The following USP3 variants were observed in gnomAD, a reference collection of about 807,000 sequenced individuals.
The protein encoded by USP3 is ubiquitin carboxyl-terminal hydrolase 3.
Under a neutral mutation model 72.3 loss-of-function variants are expected in USP3, and 20 were observed. The observed-to-expected ratio is 0.28, with a 90% CI of 0.19 to 0.40. The LOEUF (loss-of-function observed/expected upper bound fraction) is 0.40, where lower values mean the gene tolerates loss of function less well. USP3 is among the 10% of genes least tolerant of loss of function. The pLI is 1.00. For missense variants in USP3, 479 were observed against 633.9 expected (o/e 0.76, Z 2.62); for synonymous variants, 222 against 225.3 (o/e 0.99, Z 0.13).
intron 3 of USP3, among the ~76,000 whole-genome samples, chr15:63,542,999 C>T (rs1182969616): frequency 6.6e-6 from 1 of 152,148 alleles, no homozygotes; most frequent in African/African-American, 2.4e-5. Context: ...AAATGTAAGA[C>T]ACTTTGGAAA....
chr15:63,557,843 T>C (rs2066539198), intron 5 of USP3, among the ~76,000 whole-genome samples: 1 of 152,234 alleles, frequency 6.6e-6, no homozygotes, highest in Non-Finnish European at 1.5e-5. Context: ...TACTCCATGG[T>C]ACTCATTAAT....
At chr15:63,536,942 G>C in intron 2 of USP3, 83 bp from the exon 3 acceptor site, 1 of 1,381,410 alleles carries the variant, frequency 7.2e-7, no homozygotes, top group Non-Finnish European at 9.8e-7. Context: ...ATTTTGATTT[G>C]ATTAATATTT....
intron 7 of USP3, among the ~76,000 whole-genome samples, chr15:63,561,442 A>G (rs1434978536): frequency 1.3e-5 from 2 of 152,198 alleles, no homozygotes; most frequent in African/African-American, 4.8e-5. Flanking sequence ...CTGTCCTGTA[A>G]GGCCACCACT....
chr15:63,537,277 G>GC, intron 3 of USP3, 121 bp downstream of exon 3: 2 of 1,183,314 alleles, frequency 1.7e-6, no homozygotes, highest in South Asian at 4.1e-5. Context: ...CAACTGTTAG[G>GC]ATTCACGGAG....
rs955794466 is a variant in USP3, at chr15:63,576,002, T to C, written c.1096+1599T>C. 6.6e-3 allele frequency among the ~76,000 whole-genome samples: 996 copies of C among 151,354 alleles called. 11 individuals are homozygous for C. Among genetic ancestry groups the C allele is most frequent in the African/African-American group, 0.023 (957 of 41,230 alleles). On this transcript the variant is annotated intron_variant, in intron 11 of 14. Coordinates refer to ENST00000380324, the MANE Select transcript of USP3 (RefSeq NM_006537.4). ...GAACAATACTTTTTTTTTTTTTTTT[T>C]TTGAGACCGAGTCTTGCTCTGTCGC...
intron 1 of USP3, among the ~76,000 whole-genome samples, chr15:63,506,024 G>A (rs11637511): frequency 0.8 from 122,226 of 152,178 alleles, 50,927 homozygotes; most frequent in Non-Finnish European, 0.86. Flanking sequence ...AAAGAAAAAT[G>A]TACTCTGGGA....
At chr15:63,568,680 A>C (rs1404541159) in intron 8 of USP3, among the ~76,000 whole-genome samples, 2 of 152,360 alleles carry the variant, frequency 1.3e-5, no homozygotes, top group East Asian at 3.9e-4. Flanking sequence ...TAAAATATTA[A>C]GGCTTTCAGA....
intron 1 of USP3, among the ~76,000 whole-genome samples, chr15:63,515,177 G>C (rs2065835398): frequency 6.6e-6 from 1 of 152,144 alleles, no homozygotes; most frequent in Admixed American, 6.5e-5. Flanking sequence ...GAGGAGCCCA[G>C]TTCCAGTATT....
At chr15:63,577,969 T>C (rs74383092) in intron 11 of USP3, among the ~76,000 whole-genome samples, 2,307 of 144,564 alleles carry the variant, frequency 0.016, 61 homozygotes, top group African/African-American at 0.056. Context: ...ACTGATAAAA[T>C]CCCAAATATA....
intron 3 of USP3, among the ~76,000 whole-genome samples, chr15:63,548,831 T>C (rs528707002): frequency 2.0e-5 from 3 of 152,126 alleles, no homozygotes; most frequent in Non-Finnish European, 4.4e-5. Flanking sequence ...GTAGCTGGGA[T>C]TACAGACACA....
Position 63,553,505 on chromosome 15 carries a change from A to G in USP3, c.285-210A>G. ...GAGCTTTTGAGTAAAAAACGTGAAA[A>G]GAAGCTCATGTTCATTGCCTACGTG... On this transcript the variant is annotated intron_variant, in intron 3 of 14. Transcript: ENST00000380324. The surrounding 1 kb of genome is among the most constrained non-coding windows in gnomAD (Gnocchi z 4.2). 1 of 391,692 alleles carries G rather than the reference A, an allele frequency of 2.6e-6. No individual in the cohort carries two copies. Among genetic ancestry groups the G allele is most frequent in the Non-Finnish European group, 4.5e-6 (1 of 219,862 alleles). The allele number at this position is 391,692 out of a possible 1,614,324, so 24.3% of individuals were successfully genotyped here. A position where few individuals can be genotyped will look rare whatever the true frequency, so the allele number is the denominator to read the frequency against.
chr15:63,549,909 A>T (rs567790756), intron 3 of USP3, among the ~76,000 whole-genome samples: 2 of 152,370 alleles, frequency 1.3e-5, no homozygotes, highest in African/African-American at 4.8e-5. Flanking sequence ...TCAAGCAACC[A>T]ACATTAGCTA....
chr15:63,558,193 C>G lies in USP3; in HGVS notation c.533+5C>G, dbSNP rs768333273. The G allele has an allele frequency of 1.2e-6, 2 of 1,613,936 alleles. No homozygotes were observed. Among genetic ancestry groups the G allele is most frequent in the Non-Finnish European group, 1.7e-6 (2 of 1,179,994 alleles). ...TGCCATCCTTCAGTCACTCAGGTAA[C>G]GCTACAGTCAGAGCTTAAGTGTCTG... On this transcript the variant is annotated splice_donor_5th_base_variant and intron_variant, in intron 6 of 14. Coordinates refer to ENST00000380324, the MANE Select transcript of USP3 (RefSeq NM_006537.4).
chr15:63,524,844 A>T (rs1388636041), intron 1 of USP3, among the ~76,000 whole-genome samples: 10 of 152,156 alleles, frequency 6.6e-5, no homozygotes, highest in Admixed American at 5.2e-4. Flanking sequence ...GTTGACATAG[A>T]ATCACTTCTG....
intron 1 of USP3, among the ~76,000 whole-genome samples, chr15:63,516,238 G>A (rs933188172): frequency 1.3e-5 from 2 of 152,070 alleles, no homozygotes; most frequent in Admixed American, 6.6e-5. Flanking sequence ...CCCATTCAAC[G>A]GATTAGATAA....
rs75765046 is a variant in USP3, at chr15:63,578,919, A to G, written c.1096+4516A>G. Among the ~76,000 whole-genome samples, 271 of 152,318 alleles carry G rather than the reference A, an allele frequency of 1.8e-3. 3 individuals carry two copies. In the East Asian group the frequency reaches 0.023, roughly 13 times the overall value. On this transcript the variant is annotated intron_variant, in intron 11 of 14. Transcript: ENST00000380324. ...TGGAAAATTACGAGAAATATTAACA[A>G]CTATTGCCATGGAGAGTGAGACTAG... is the stretch of plus-strand genomic sequence containing the variant.
rs758284802 is a variant in USP3, at chr15:63,590,805, A to AGCTGGATCGGATAAACTTTAATACC, written c.1543_*4dup. ...TTTTCTACGTGGAACACCAGGCCAAAGCTGGATCGGATAAACTTTAATACC... is the reference window on the plus strand; with the variant it reads ...TTTTCTACGTGGAACACCAGGCCAAAGCTGGATCGGATAAACTTTAATACCGCTGGATCGGATAAACTTTAATACC... On this transcript the variant is annotated stop_gained and frameshift_variant, in exon 15 of 15. Transcript: ENST00000380324. LOFTEE classifies it high-confidence loss of function. 38 of 1,613,488 alleles carry AGCTGGATCGGATAAACTTTAATACC rather than the reference A, an allele frequency of 2.4e-5. 1 individual carries two copies. The South Asian group carries it at 4.2e-4, about 18-fold the overall frequency.
At position 63,559,073 on chromosome 15, in the gene USP3, A is replaced by G. The variant is rs573625025; in HGVS notation, c.534-784A>G. ...TAACCCATTTATGTCAGAGGTTGCAATTTTTCTGTATGAAAAATCAGACGT... is the reference window on the plus strand; with the variant it reads ...TAACCCATTTATGTCAGAGGTTGCAGTTTTTCTGTATGAAAAATCAGACGT... On this transcript the variant is annotated intron_variant, in intron 6 of 14. Coordinates refer to ENST00000380324, the MANE Select transcript of USP3 (RefSeq NM_006537.4). 9.2e-5 allele frequency among the ~76,000 whole-genome samples: 14 copies of G among 152,170 alleles called. No individual in the cohort carries two copies. The South Asian group carries it at 1.2e-3, about 14-fold the overall frequency.
At chr15:63,579,363 G>A (rs2066915838) in intron 11 of USP3, among the ~76,000 whole-genome samples, 1 of 152,340 alleles carries the variant, frequency 6.6e-6, no homozygotes, top group African/African-American at 2.4e-5. Flanking sequence ...AAACATAGCA[G>A]TGGGATAGGA....
Sources: allele counts gnomAD v4.1 joint callset (sites outside exome capture counted in the v4.1 genomes callset), GRCh38; gene constraint gnomAD v4.1.1; non-coding constraint Gnocchi (gnomAD v3.1); transcripts MANE v1.5; gene names NCBI Gene and HGNC (gene_info 2026-07-23, HGNC 2026-07-21).